EML5: variants seen among roughly 807,000 people sequenced by gnomAD.
EML5 encodes the protein echinoderm microtubule-associated protein-like 5.
EML5 carries 120 observed loss-of-function variants against 250.0 expected under a neutral mutation model. The observed-to-expected ratio is 0.48, with a 90% CI of 0.41 to 0.56. EML5 has a LOEUF of 0.56. EML5 is among the 20% of genes least tolerant of loss of function. EML5 has a pLI of 0.00. For missense variants in EML5, 2,006 were observed against 2,437.6 expected, an observed-to-expected ratio of 0.82 and a Z score of 3.73; for synonymous variants, 771 against 806.5, an observed-to-expected ratio of 0.96 and a Z score of 0.75.
chr14:88,773,954 A>G (rs1427718321), intron 1 of EML5, among the ~76,000 whole-genome samples: 2 of 152,092 alleles, frequency 1.3e-5, no homozygotes, highest in Non-Finnish European at 1.5e-5. Flanking sequence ...CCCCACCTCT[A>G]CTAAAAATAC....
intron 1 of EML5, among the ~76,000 whole-genome samples, chr14:88,756,961 A>T (rs2094169159): frequency 6.6e-6 from 1 of 152,212 alleles, no homozygotes; most frequent in South Asian, 2.1e-4. Context: ...TCTTTCTTGA[A>T]GAAACTGACA....
At chr14:88,663,174 T>G in intron 23 of EML5, 55 bp from the exon 24 acceptor site, 74 of 1,077,310 alleles carry the variant, frequency 6.9e-5, no homozygotes, top group Non-Finnish European at 8.5e-5. Flanking sequence ...CAAATATATA[T>G]ACCATCAGTA....
At chr14:88,617,103 T>C (rs1022333812) in intron 41 of EML5, 13 of 405,528 alleles carry the variant, frequency 3.2e-5, no homozygotes, top group Middle Eastern at 6.6e-4. Context: ...GATTAATCTT[T>C]TTAAGATTAA....
At chr14:88,767,362 T>C (rs564037404) in intron 1 of EML5, among the ~76,000 whole-genome samples, 2 of 152,326 alleles carry the variant, frequency 1.3e-5, no homozygotes, top group East Asian at 3.9e-4. Context: ...TATACCCTTA[T>C]GAAGATGCCC....
chr14:88,783,015 G>T (rs1361184599), intron 1 of EML5, among the ~76,000 whole-genome samples: 2 of 152,084 alleles, frequency 1.3e-5, no homozygotes, highest in African/African-American at 2.4e-5. Flanking sequence ...AGAGCTGGAG[G>T]TTGCAGTAAG....
intron 1 of EML5, among the ~76,000 whole-genome samples, chr14:88,789,374 A>G (rs1340630332): frequency 6.6e-6 from 1 of 152,240 alleles, no homozygotes; most frequent in Non-Finnish European, 1.5e-5. Flanking sequence ...TAAGATAAAT[A>G]TAACTAAAAG....
At chr14:88,737,976 C>T (rs1044857090) in intron 6 of EML5, among the ~76,000 whole-genome samples, 1 of 152,094 alleles carries the variant, frequency 6.6e-6, no homozygotes, top group Non-Finnish European at 1.5e-5. Flanking sequence ...TTTCTGCCTA[C>T]TCCTGAATGT....
intron 1 of EML5, among the ~76,000 whole-genome samples, chr14:88,761,269 G>C (rs1210537262): frequency 2.6e-5 from 4 of 151,904 alleles, no homozygotes; most frequent in Admixed American, 1.3e-4. Context: ...TGTTGCATAG[G>C]TATACATGTG....
At chr14:88,645,228 G>C in intron 29 of EML5, among the ~76,000 whole-genome samples, 1 of 152,170 alleles carries the variant, frequency 6.6e-6, no homozygotes, top group East Asian at 1.9e-4. Context: ...GTTTCGCCAT[G>C]TTGGCCAGGC....
chr14:88,702,602 C>T lies in EML5; in HGVS notation c.2082G>A (p.Leu694=), dbSNP rs775042962. ...GYRGYDCRSN[L]FYTQIGEIVY... ...CAATTTCACCAATTTGAGTATAAAA[C>T]AGATTACTTCGACAGTCATAACCTC... Residue 694 remains leucine, a synonymous_variant, in exon 14 of 44, where the codon CTG becomes CTA. Transcript: ENST00000554922. The T allele has an allele frequency of 4.4e-6, 7 of 1,602,566 alleles. No individual in the cohort carries two copies. In the African/African-American group the frequency reaches 8.0e-5, roughly 18 times the overall value.
intron 1 of EML5, among the ~76,000 whole-genome samples, chr14:88,781,858 A>C (rs2094500681): frequency 6.6e-6 from 1 of 152,206 alleles, no homozygotes; most frequent in African/African-American, 2.4e-5. Context: ...TTCCTTTACA[A>C]ATTACCCAGT....
chr14:88,759,153 C>T (rs2094203107), intron 1 of EML5, among the ~76,000 whole-genome samples: 1 of 149,880 alleles, frequency 6.7e-6, no homozygotes, highest in Non-Finnish European at 1.5e-5. Flanking sequence ...TTATGTGAAT[C>T]ATATCTCAGT....
intron 21 of EML5, among the ~76,000 whole-genome samples, chr14:88,675,621 T>C (rs1438591447): frequency 2.0e-5 from 3 of 152,186 alleles, no homozygotes; most frequent in African/African-American, 7.2e-5. Flanking sequence ...ACTTTCCCCA[T>C]TGTTTTGGGA....
In EML5 at chr14:88,664,560, A is replaced by C. The variant is rs1769757879; in HGVS notation, c.3342T>G (p.Ser1114Arg). The change falls in exon 23 of 44, where the codon AGT becomes AGG. Residue 1114 changes from serine (S) to arginine (R), a missense_variant. By Grantham distance (110) the Ser-to-Arg change is moderately radical. Transcript: ENST00000554922. ...DSFIDIYNVM[S>R]SKRVGICKGA... ...CTTTGCATATTCCTACTCGTTTACT[A>C]CTCATTACATTGTATATATCTATAA... 1 of 1,611,344 alleles carries C rather than the reference A, an allele frequency of 6.2e-7. No homozygotes were observed. Among genetic ancestry groups the C allele is most frequent in the Admixed American group, 1.7e-5 (1 of 59,766 alleles).
chr14:88,618,476 TAGG>T, intron 40 of EML5, 145 bp from the exon 41 acceptor site: 3 of 1,082,866 alleles, frequency 2.8e-6, no homozygotes, highest in South Asian at 1.6e-5. Flanking sequence ...AAAAACTTAA[TAGG>T]AGAAAAGCTC....
intron 42 of EML5, chr14:88,616,472 T>C: frequency 1.6e-6 from 1 of 606,914 alleles, no homozygotes; most frequent in South Asian, 2.2e-5. Context: ...GGAAAAGCAT[T>C]TGAAATTTGA....
At chr14:88,646,553 A>T (rs2091357325) in intron 29 of EML5, among the ~76,000 whole-genome samples, 1 of 152,182 alleles carries the variant, frequency 6.6e-6, no homozygotes, top group Non-Finnish European at 1.5e-5. Flanking sequence ...TGACAGCTTT[A>T]AATGTAACCC....
chr14:88,713,619 AT>A (rs71130004), intron 9 of EML5, among the ~76,000 whole-genome samples: 14,905 of 130,104 alleles, frequency 0.11, 767 homozygotes, highest in African/African-American at 0.13. Context: ...CAACCTGCTC[AT>A]TTTTTTTTTT....
chr14:88,716,264 A>G (rs2093491566), intron 8 of EML5, among the ~76,000 whole-genome samples: 1 of 152,212 alleles, frequency 6.6e-6, no homozygotes, highest in Non-Finnish European at 1.5e-5. Context: ...ATGAGCCCCA[A>G]GATAAATCCA....
Sources: allele counts gnomAD v4.1 joint callset (sites outside exome capture counted in the v4.1 genomes callset), GRCh38; gene constraint gnomAD v4.1.1; transcripts MANE v1.5; gene names NCBI Gene and HGNC (gene_info 2026-07-23, HGNC 2026-07-21).